DPH6: variants seen among roughly 807,000 people sequenced by gnomAD.
DPH6 encodes diphthamine biosynthesis 6, also known as diphthine--ammonia ligase.
DPH6 carries 33 observed loss-of-function variants against 38.2 expected under a neutral mutation model. The observed-to-expected ratio is 0.86, with a 90% CI of 0.65 to 1.15. DPH6 has a LOEUF of 1.15. Ranked by LOEUF, DPH6 falls within the 50% of genes most tolerant of loss-of-function variation. DPH6 has a pLI of 0.00. For missense variants in DPH6, 325 were observed against 320.0 expected, an observed-to-expected ratio of 1.02 and a Z score of -0.12; for synonymous variants, 108 against 103.0, an observed-to-expected ratio of 1.05 and a Z score of -0.30.
chr15:35,537,321 T>C (rs951592587), intron 3 of DPH6, among the ~76,000 whole-genome samples: 5 of 152,102 alleles, frequency 3.3e-5, no homozygotes, highest in Non-Finnish European at 5.9e-5. Context: ...AGGAATCTTC[T>C]TTCCTTCCCC....
chr15:35,377,166 C>T (rs922253872), intron 7 of DPH6, among the ~76,000 whole-genome samples: 1 of 152,132 alleles, frequency 6.6e-6, no homozygotes. Flanking sequence ...TTGCTTTATA[C>T]TCATTTTGAA....
At chr15:35,302,592 G>T (rs1257818005) in intron 3 of DPH6, among the ~76,000 whole-genome samples, 1 of 152,152 alleles carries the variant, frequency 6.6e-6, no homozygotes, top group Non-Finnish European at 1.5e-5. Flanking sequence ...ATGGCAAAGA[G>T]ATCCTGTCAG....
chr15:35,155,538 T>C, the DPH6 span, among the ~76,000 whole-genome samples: 2 of 152,306 alleles, frequency 1.3e-5, no homozygotes, highest in Non-Finnish European at 2.9e-5. Flanking sequence ...ACTGCCCTGG[T>C]CCATGAACCC....
At chr15:35,160,349 C>T in the DPH6 span, among the ~76,000 whole-genome samples, 7,326 of 152,046 alleles carry the variant, frequency 0.048, 590 homozygotes, top group African/African-American at 0.17. Context: ...TCCATTCAGG[C>T]TGTCTTCTCC....
chr15:35,487,816 A>G (rs1338471059), intron 3 of DPH6, among the ~76,000 whole-genome samples: 1 of 152,174 alleles, frequency 6.6e-6, no homozygotes, highest in East Asian at 1.9e-4. Context: ...TGAGACTGCA[A>G]ATTTTCCCAA....
intron 3 of DPH6, among the ~76,000 whole-genome samples, chr15:35,506,066 A>C (rs2054689938): frequency 6.6e-6 from 1 of 152,114 alleles, no homozygotes; most frequent in South Asian, 2.1e-4. Context: ...GAGAAATGAA[A>C]CTTTGATTTG....
chr15:35,370,060 C>T (rs1043834997), downstream of DPH6, among the ~76,000 whole-genome samples: 1 of 151,676 alleles, frequency 6.6e-6, no homozygotes, highest in African/African-American at 2.4e-5. Context: ...AAATAGACCA[C>T]ACAAATATAC....
chr15:35,524,423 C>A (rs549787195), intron 3 of DPH6, among the ~76,000 whole-genome samples: 1 of 152,034 alleles, frequency 6.6e-6, no homozygotes. Flanking sequence ...TAACCCTAAC[C>A]CCTTATCAAA....
rs149282368 is a variant in DPH6, at chr15:35,509,363, A to G, written c.312+28911T>C. Among the ~76,000 whole-genome samples, 1,178 of 152,342 alleles carry G rather than the reference A, an allele frequency of 7.7e-3. 6 individuals carry two copies. Among genetic ancestry groups the G allele is most frequent in the South Asian group, 0.023 (111 of 4,834 alleles). ...AGAAAGCAAAATGCTCGGCAATATT[A>G]TAACTACTGCTCTTTGCGACCTGAA... On this transcript the variant is annotated intron_variant, in intron 3 of 8. Transcript: ENST00000256538.
chr15:35,448,693 T>TTAG (rs2053888568), intron 5 of DPH6, among the ~76,000 whole-genome samples: 1 of 152,084 alleles, frequency 6.6e-6, no homozygotes, highest in Non-Finnish European at 1.5e-5. Context: ...TTTAATTAAA[T>TTAG]TACAGTCTCC....
At chr15:35,386,155 T>C (rs917636691) in intron 6 of DPH6, among the ~76,000 whole-genome samples, 1 of 152,220 alleles carries the variant, frequency 6.6e-6, no homozygotes, top group Non-Finnish European at 1.5e-5. Context: ...GCTTCATCCA[T>C]GTCCCTACAA....
chr15:35,253,021 A>C (rs2051684886), intron 3 of DPH6, among the ~76,000 whole-genome samples: 1 of 152,210 alleles, frequency 6.6e-6, no homozygotes, highest in Admixed American at 6.5e-5. Context: ...TGCACCAACT[A>C]TCTCTGACGT....
At chr15:35,456,275 GAAT>G (rs1435137150) in intron 3 of DPH6, among the ~76,000 whole-genome samples, 5 of 151,818 alleles carry the variant, frequency 3.3e-5, no homozygotes, top group African/African-American at 7.3e-5. Flanking sequence ...CAGAGTTGCT[GAAT>G]AATGTTATCA....
At chr15:35,157,219 T>TA in the DPH6 span, among the ~76,000 whole-genome samples, 1 of 152,162 alleles carries the variant, frequency 6.6e-6, no homozygotes, top group Non-Finnish European at 1.5e-5. Flanking sequence ...TTTCTTCATA[T>TA]AAACCTTTCA....
chr15:35,206,633 C>T, the DPH6 span, among the ~76,000 whole-genome samples: 1 of 152,152 alleles, frequency 6.6e-6, no homozygotes, highest in South Asian at 2.1e-4. Flanking sequence ...TAAGTAAGCA[C>T]AAAGCCTTGA....
chr15:35,275,415 A>G (rs925947939), intron 3 of DPH6, among the ~76,000 whole-genome samples: 1 of 152,176 alleles, frequency 6.6e-6, no homozygotes, highest in African/African-American at 2.4e-5. Context: ...CATGGATGAC[A>G]CTGGAAGCCA....
At chr15:35,477,472 C>T (rs1426891317) in intron 3 of DPH6, among the ~76,000 whole-genome samples, 1 of 151,798 alleles carries the variant, frequency 6.6e-6, no homozygotes, top group Non-Finnish European at 1.5e-5. Context: ...ACTCCATCAA[C>T]ACAGCATATT....
At chr15:35,338,382 G>C (rs891684780) in intron 3 of DPH6, among the ~76,000 whole-genome samples, 1 of 152,180 alleles carries the variant, frequency 6.6e-6, no homozygotes, top group African/African-American at 2.4e-5. Flanking sequence ...GACATGAACA[G>C]ACACTTCTCA....
intron 3 of DPH6, among the ~76,000 whole-genome samples, chr15:35,496,563 A>ATATATATATATATAT (rs1555406393): frequency 6.3e-3 from 100 of 15,926 alleles, no homozygotes; most frequent in Non-Finnish European, 9.7e-3. Flanking sequence ...CTCAAAAAAA[A>ATATATATATATATAT]AAAAATATAT....
Sources: allele counts gnomAD v4.1 joint callset (sites outside exome capture counted in the v4.1 genomes callset), GRCh38; gene constraint gnomAD v4.1.1; transcripts MANE v1.5; gene names NCBI Gene and HGNC (gene_info 2026-07-23, HGNC 2026-07-21).